Variants in GALNT18 observed in about 807,000 individuals in gnomAD.
GALNT18 encodes the protein polypeptide N-acetylgalactosaminyltransferase 18.
GALNT18 carries 44 observed loss-of-function variants against 69.5 expected under a neutral mutation model. The ratio of observed to expected loss-of-function variants is 0.63; its 90% CI spans 0.50 to 0.81. GALNT18 has a LOEUF of 0.81. Among genes scored for constraint, GALNT18 ranks in the 40% least tolerant of loss-of-function variants. GALNT18 has a pLI of 0.00. For synonymous variants in GALNT18, 364 were observed against 318.2 expected (o/e 1.14, Z -1.53); for missense variants, 715 against 810.0 (o/e 0.88, Z 1.42).
At chr11:11,405,099 T>C (rs1163893340) in intron 3 of GALNT18, among the ~76,000 whole-genome samples, 1 of 152,200 alleles carries the variant, frequency 6.6e-6, no homozygotes. Context: ...CTTCTGTGCC[T>C]TGAGCCCCGG....
At chr11:11,273,587 G>T (rs1011721816) in intron 10 of GALNT18, among the ~76,000 whole-genome samples, 1 of 152,200 alleles carries the variant, frequency 6.6e-6, no homozygotes, top group Non-Finnish European at 1.5e-5. Context: ...TTTGTACATT[G>T]TTGGTGGGAA....
intron 1 of GALNT18, among the ~76,000 whole-genome samples, chr11:11,547,381 C>G (rs4129140): frequency 0.47 from 70,984 of 152,068 alleles, 19,261 homozygotes; most frequent in Non-Finnish European, 0.6. Context: ...ATGATGCAAA[C>G]AGCATTCAAA....
intron 1 of GALNT18, among the ~76,000 whole-genome samples, chr11:11,462,127 C>A (rs1375011765): frequency 2.0e-5 from 3 of 152,138 alleles, no homozygotes; most frequent in African/African-American, 7.2e-5. Flanking sequence ...TGAGGGGAGG[C>A]CTGAGATCGT....
intron 10 of GALNT18, among the ~76,000 whole-genome samples, chr11:11,277,503 A>G (rs138126606): frequency 0.023 from 3,539 of 152,204 alleles, 59 homozygotes; most frequent in Middle Eastern, 0.044. Context: ...TATCTCCTTC[A>G]GTTCTGCTCT....
intron 1 of GALNT18, among the ~76,000 whole-genome samples, chr11:11,510,390 G>A (rs1458116443): frequency 1.3e-5 from 2 of 152,084 alleles, no homozygotes; most frequent in African/African-American, 2.4e-5. Context: ...CCCTACCCTG[G>A]GTCGTCTCTG....
At chr11:11,282,186 TTC>T (rs1046553568) in intron 10 of GALNT18, among the ~76,000 whole-genome samples, 11 of 151,986 alleles carry the variant, frequency 7.2e-5, no homozygotes, top group Non-Finnish European at 1.2e-4. Context: ...CTCTTTCTTC[TTC>T]TCTCGGAAAA....
rs1448383903 is a variant in GALNT18, at chr11:11,543,071, G to A, written c.235+78288C>T. ...GCACCAGTGTGTCTAAAGTATTTGG[G>A]AAGGATCTGGTGCATGGAAAGTGCT... On this transcript the variant is annotated intron_variant, in intron 1 of 10. Coordinates refer to ENST00000227756, the MANE Select transcript of GALNT18 (RefSeq NM_198516.3). This position sits in a 1 kb window ranked among gnomAD's most constrained non-coding sequence, Gnocchi z 5.1. Among the ~76,000 whole-genome samples the A allele has an allele frequency of 2.0e-5, 3 of 152,172 alleles. No individual in the cohort carries two copies. The highest frequency in any genetic ancestry group is 4.4e-5 in the Non-Finnish European group (3 of 68,030).
Position 11,343,878 on chromosome 11 carries a change from C to T in GALNT18, c.1093-2874G>A, listed in dbSNP as rs1182549232. Among the ~76,000 whole-genome samples the T allele has an allele frequency of 3.9e-5, 6 of 152,286 alleles. No homozygotes were observed. In the East Asian group the frequency reaches 9.7e-4, roughly 25 times the overall value. ...TAATCAGAATGGTGGTGCGGCTCCT[C>T]CCATCGTGCCTTTAGACACGGTACA... On this transcript the variant is annotated intron_variant, in intron 6 of 10. Transcript: ENST00000227756.
chr11:11,443,104 GA>G (rs1855568651), intron 2 of GALNT18, among the ~76,000 whole-genome samples: 1 of 152,212 alleles, frequency 6.6e-6, no homozygotes, highest in Non-Finnish European at 1.5e-5. Context: ...ACTTCTTGCA[GA>G]AAAGAATGTG....
chr11:11,472,327 G>A (rs1337466460), intron 1 of GALNT18, among the ~76,000 whole-genome samples: 1 of 152,204 alleles, frequency 6.6e-6, no homozygotes, highest in East Asian at 1.9e-4. Context: ...CACGGGGACA[G>A]GGGTACCGCA....
chr11:11,528,110 A>G (rs949064408), intron 1 of GALNT18, among the ~76,000 whole-genome samples: 4 of 152,230 alleles, frequency 2.6e-5, no homozygotes, highest in Admixed American at 2.6e-4. Flanking sequence ...AGAGTAGGTG[A>G]CATATGAATA....
intron 1 of GALNT18, among the ~76,000 whole-genome samples, chr11:11,515,094 G>A (rs957750445): frequency 1.4e-4 from 21 of 152,148 alleles, no homozygotes; most frequent in African/African-American, 4.3e-4. Context: ...TTCTAGCTGC[G>A]GGTCTTTGAG....
Position 11,326,245 on chromosome 11 carries a change from C to T in GALNT18, c.1512+841G>A, listed in dbSNP as rs139949115. 5.9e-3 allele frequency among the ~76,000 whole-genome samples: 901 copies of T among 152,138 alleles called. 14 individuals carry two copies. Among genetic ancestry groups the T allele is most frequent in the African/African-American group, 0.02 (833 of 41,520 alleles). Reference sequence around the variant, plus strand: ...ATTTTTAGTAGAGATGGGGTTTCACCGTGTTAGCCAAGATGGTCTCGATCT... The same window carrying T: ...ATTTTTAGTAGAGATGGGGTTTCACTGTGTTAGCCAAGATGGTCTCGATCT... On this transcript the variant is annotated intron_variant, in intron 9 of 10. Transcript: ENST00000227756.
At chr11:11,335,744 C>T (rs1282988101) in intron 7 of GALNT18, among the ~76,000 whole-genome samples, 1 of 152,126 alleles carries the variant, frequency 6.6e-6, no homozygotes, top group Non-Finnish European at 1.5e-5. Context: ...TCTGGACACA[C>T]ATAGAGACAA....
intron 9 of GALNT18, among the ~76,000 whole-genome samples, chr11:11,304,387 A>G (rs991150832): frequency 1.3e-5 from 2 of 152,230 alleles, no homozygotes; most frequent in East Asian, 1.9e-4. Context: ...TAAGTTCTCT[A>G]TGTTCAAGAA....
At chr11:11,451,523 G>A (rs1002624040) in intron 1 of GALNT18, among the ~76,000 whole-genome samples, 4 of 152,198 alleles carry the variant, frequency 2.6e-5, no homozygotes, top group Non-Finnish European at 4.4e-5. Flanking sequence ...AAGCCAGTGA[G>A]TCCTGAAAGA....
chr11:11,475,259 T>C (rs562675226), intron 1 of GALNT18: 1 of 152,368 alleles, frequency 6.6e-6, no homozygotes, highest in Non-Finnish European at 1.5e-5. Flanking sequence ...TGTTATCACA[T>C]TACAGTGACT....
rs1246651780 is a variant in GALNT18, at chr11:11,317,753, TG to T, written c.1512+9332del. ...TCTTTAGGTTCCACTTGTCAATTTT[TG>T]TTTTTTATTGCCAGACCAAGCTTCT... is the stretch of plus-strand genomic sequence containing the variant. On this transcript the variant is annotated intron_variant, in intron 9 of 10. Transcript: ENST00000227756. 2.6e-5 allele frequency among the ~76,000 whole-genome samples: 4 copies of T among 152,232 alleles called. No individual in the cohort carries two copies. The East Asian group carries it at 5.8e-4, about 22-fold the overall frequency.
In GALNT18 at chr11:11,309,902, A is replaced by G. The variant is rs1564890120; in HGVS notation, c.1513-16709T>C. ...CTCTCCTCACCCTGTCCCCACCCCC[A>G]GGGATATTGCTTTGTTAATTGCCCC... On this transcript the variant is annotated intron_variant, in intron 9 of 10. Transcript: ENST00000227756. The surrounding 1 kb of genome is among the most constrained non-coding windows in gnomAD (Gnocchi z 4.6). Among the ~76,000 whole-genome samples the G allele has an allele frequency of 6.6e-6, 1 of 151,894 alleles. No individual in the cohort carries two copies. Among genetic ancestry groups the G allele is most frequent in the Non-Finnish European group, 1.5e-5 (1 of 67,978 alleles).
Sources: gnomAD v4.1 joint callset for allele counts (sites outside exome capture counted in the v4.1 genomes callset) on GRCh38, gnomAD v4.1.1 for gene constraint, Gnocchi (gnomAD v3.1) non-coding constraint, MANE v1.5 for transcripts, NCBI Gene and HGNC (gene_info 2026-07-23, HGNC 2026-07-21) for gene names.